The following PRKN variants were observed in gnomAD, a reference collection of about 807,000 sequenced individuals.
PRKN encodes the protein parkin RBR E3 ubiquitin protein ligase.
PRKN carries 56 observed loss-of-function variants against 59.5 expected under a neutral mutation model. The ratio of observed to expected loss-of-function variants is 0.94; its 90% CI spans 0.76 to 1.18. The LOEUF is 1.18. Among genes scored for constraint, PRKN ranks in the 50% most tolerant of loss-of-function variants. The probability of loss-of-function intolerance (pLI) is 0.00; values close to 1 mark genes in which losing one functional copy is unlikely to be tolerated. For missense variants in PRKN, 657 were observed against 596.4 expected (o/e 1.10, Z -1.06); for synonymous variants, 250 against 222.1 (o/e 1.13, Z -1.12).
chr6:161,651,380 G>A (rs886491222), intron 7 of PRKN, among the ~76,000 whole-genome samples: 2 of 152,194 alleles, frequency 1.3e-5, no homozygotes. Context: ...GCCAGGTGCT[G>A]TCAACCTGTA....
In PRKN at chr6:161,638,308, G is replaced by C. The variant is rs562188933; in HGVS notation, c.872-68892C>G. 2.6e-5 allele frequency among the ~76,000 whole-genome samples: 4 copies of C among 151,668 alleles called. No homozygotes were observed. In the South Asian group the frequency reaches 6.2e-4, roughly 24 times the overall value. ...CCACCATGCCAGGCTAAATTTTTTT[G>C]TGTTTCAGTAGAGATGGGGTTTCAC... is the stretch of plus-strand genomic sequence containing the variant. On this transcript the variant is annotated intron_variant, in intron 7 of 11. Coordinates refer to ENST00000366898, the MANE Select transcript of PRKN (RefSeq NM_004562.3).
chr6:161,491,531 G>T (rs1031614179), intron 9 of PRKN, among the ~76,000 whole-genome samples: 4 of 152,152 alleles, frequency 2.6e-5, no homozygotes, highest in Admixed American at 2.6e-4. Flanking sequence ...TTCAGTGCTG[G>T]CATATTAGGT....
chr6:161,762,061 T>C (rs1789225844), intron 7 of PRKN, among the ~76,000 whole-genome samples: 1 of 152,144 alleles, frequency 6.6e-6, no homozygotes, highest in Non-Finnish European at 1.5e-5. Flanking sequence ...ACAGAATTCC[T>C]ACGGGTGAGG....
Position 162,004,595 on chromosome 6 carries a change from G to A in PRKN, c.619-31178C>T, listed in dbSNP as rs373158158. 5.3e-5 allele frequency among the ~76,000 whole-genome samples: 8 copies of A among 152,254 alleles called. No homozygotes were observed. In the East Asian group the frequency reaches 1.2e-3, roughly 22 times the overall value. ...AATTAGCAAACTCCTCAACACCAGC[G>A]TAGGTAATATAAACATAATGATAGC... On this transcript the variant is annotated intron_variant, in intron 5 of 11. Transcript: ENST00000366898.
Position 161,511,048 on chromosome 6 carries a change from A to G in PRKN, c.1083+37806T>C, listed in dbSNP as rs373059776. Among the ~76,000 whole-genome samples, 39 of 152,348 alleles carry G rather than the reference A, an allele frequency of 2.6e-4. No homozygotes were observed. In the East Asian group the frequency reaches 7.1e-3, roughly 28 times the overall value. The stretch of plus-strand genomic sequence containing the variant: ...GCTATAGAAAATGAAGTAATCTCTT[A>G]GGGTAATGGACTCAAACTATAACAA... On this transcript the variant is annotated intron_variant, in intron 9 of 11. Transcript: ENST00000366898.
chr6:162,529,397 A>G (rs2846498), intron 1 of PRKN, among the ~76,000 whole-genome samples: 53,284 of 152,030 alleles, frequency 0.35, 11,168 homozygotes, highest in Middle Eastern at 0.51. Context: ...CCCCTGCCAA[A>G]ACAGAATATT....
chr6:162,103,534 A>G (rs1780065393), intron 4 of PRKN, among the ~76,000 whole-genome samples: 1 of 152,218 alleles, frequency 6.6e-6, no homozygotes. Context: ...GGAATGGAAC[A>G]GAAGTCTCTA....
chr6:161,880,529 A>G (rs559154968), intron 6 of PRKN, among the ~76,000 whole-genome samples: 112 of 152,264 alleles, frequency 7.4e-4, no homozygotes, highest in African/African-American at 2.6e-3. Context: ...ATATGAGGGC[A>G]TTACCTTATA....
At position 162,310,361 on chromosome 6, in the gene PRKN, G is replaced by A. The variant is rs184897647; in HGVS notation, c.172-47596C>T. Reference sequence around the variant, plus strand: ...AGTTCCCCACCATAGCCAGAGGGCCGAAGTCCTAGCAGGTGCCATGGTGAC... The same window carrying A: ...AGTTCCCCACCATAGCCAGAGGGCCAAAGTCCTAGCAGGTGCCATGGTGAC... On this transcript the variant is annotated intron_variant, in intron 2 of 11. Transcript: ENST00000366898. 7.2e-5 allele frequency among the ~76,000 whole-genome samples: 11 copies of A among 152,254 alleles called. No homozygotes were observed. The East Asian group carries it at 1.7e-3, about 24-fold the overall frequency.
intron 6 of PRKN, among the ~76,000 whole-genome samples, chr6:161,841,646 G>GTAGT (rs1792992362): frequency 6.6e-6 from 1 of 152,052 alleles, no homozygotes; most frequent in Admixed American, 6.5e-5. Flanking sequence ...CACCACGCCT[G>GTAGT]GCCCACTTTT....
At chr6:161,706,379 A>T (rs903735543) in intron 7 of PRKN, among the ~76,000 whole-genome samples, 15 of 152,122 alleles carry the variant, frequency 9.9e-5, no homozygotes, top group African/African-American at 3.6e-4. Flanking sequence ...TCTTGTGCCC[A>T]CCAAGGTGCT....
At chr6:161,879,759 T>C (rs73603184) in intron 6 of PRKN, among the ~76,000 whole-genome samples, 5,305 of 152,284 alleles carry the variant, frequency 0.035, 313 homozygotes, top group African/African-American at 0.12. Flanking sequence ...CTGAAACTTA[T>C]CGTTATAGAG....
chr6:161,516,908 C>T (rs1778631434), intron 9 of PRKN, among the ~76,000 whole-genome samples: 1 of 150,378 alleles, frequency 6.6e-6, no homozygotes. Flanking sequence ...TCAGTGGATG[C>T]ATTTATTGAA....
chr6:162,558,750 T>C (rs933296967), intron 1 of PRKN, among the ~76,000 whole-genome samples: 4 of 152,034 alleles, frequency 2.6e-5, no homozygotes, highest in African/African-American at 7.2e-5. Context: ...GCGATTCTTC[T>C]GCCTCAGCCT....
At position 161,569,434 on chromosome 6, in the gene PRKN, T is replaced by A; in HGVS notation, c.872-18A>T. 1.2e-6 allele frequency: 2 copies of A among 1,607,982 alleles called. No individual in the cohort carries two copies. Among genetic ancestry groups the A allele is most frequent in the Non-Finnish European group, 1.7e-6 (2 of 1,174,450 alleles). ...ACAGCCAGCTGTTGGAAAGAAGAAT[T>A]AATCACAAAAACGTCACTTTCACTC... On this transcript the variant is annotated intron_variant, in intron 7 of 11. Transcript: ENST00000366898.
rs939484579 is a variant in PRKN at position 161,501,167 on chromosome 6, C to T, written c.1083+47687G>A. ...GATTACAGGCAAGAGCCATTGTGCCCGGCTGTGTTTAGTTTTCTAAGAAAC... is the reference window on the plus strand; with the variant it reads ...GATTACAGGCAAGAGCCATTGTGCCTGGCTGTGTTTAGTTTTCTAAGAAAC... On this transcript the variant is annotated intron_variant, in intron 9 of 11. Coordinates refer to ENST00000366898, the MANE Select transcript of PRKN (RefSeq NM_004562.3). Among the ~76,000 whole-genome samples the T allele has an allele frequency of 7.2e-5, 11 of 152,126 alleles. No homozygotes were observed. The East Asian group carries it at 1.9e-3, about 27-fold the overall frequency.
chr6:161,364,100 C>G (rs933569715), intron 10 of PRKN, among the ~76,000 whole-genome samples: 1 of 145,002 alleles, frequency 6.9e-6, no homozygotes, highest in Non-Finnish European at 1.5e-5. Context: ...ACCCGGGAGG[C>G]TGAGCTTGCA....
chr6:162,609,331 C>G (rs1157101780), intron 1 of PRKN, among the ~76,000 whole-genome samples: 20 of 152,150 alleles, frequency 1.3e-4, no homozygotes, highest in Admixed American at 1.2e-3. Flanking sequence ...AAGTAACCCA[C>G]GAAAGTGGGA....
rs1281656115 is a variant in PRKN, at chr6:161,502,020, TA to T, written c.1083+46833del. 6.6e-6 allele frequency among the ~76,000 whole-genome samples: 1 copy of T among 152,220 alleles called. No homozygotes were observed. The highest frequency in any genetic ancestry group is 2.4e-5 in the African/African-American group (1 of 41,452). ...AGAGAGAAAGTCTGCATGTCTTAGTTATCAGCCATGTGAGAAGGAATACCTG... is the reference window on the plus strand; with the variant it reads ...AGAGAGAAAGTCTGCATGTCTTAGTTTCAGCCATGTGAGAAGGAATACCTG... On this transcript the variant is annotated intron_variant, in intron 9 of 11. Coordinates refer to ENST00000366898, the MANE Select transcript of PRKN (RefSeq NM_004562.3). This position sits in a 1 kb window ranked among gnomAD's most constrained non-coding sequence, Gnocchi z 4.0.
Sources: allele counts gnomAD v4.1 joint callset (sites outside exome capture counted in the v4.1 genomes callset), GRCh38; gene constraint gnomAD v4.1.1; non-coding constraint Gnocchi (gnomAD v3.1); transcripts MANE v1.5; gene names NCBI Gene and HGNC (gene_info 2026-07-23, HGNC 2026-07-21).